The following COXFA4 variants were observed in gnomAD, a reference collection of about 807,000 sequenced individuals.
COXFA4 encodes cytochrome c oxidase subunit FA4.
the COXFA4 span, chr7:10,932,052 G>A: frequency 6.6e-6 from 1 of 152,186 alleles, no homozygotes; most frequent in African/African-American, 2.4e-5. Flanking sequence ...TGTGCCAAAG[G>A]ATCTAGAGTA....
the COXFA4 span, chr7:10,938,736 G>A: frequency 1.1e-5 from 11 of 1,031,880 alleles, no homozygotes; most frequent in East Asian, 4.8e-5. Flanking sequence ...TAATGTTATC[G>A]CCCTACAGAG....
At chr7:10,939,836 C>G in the COXFA4 span, 1 of 752,866 alleles carries the variant, frequency 1.3e-6, no homozygotes, top group South Asian at 1.5e-5. Flanking sequence ...CCCCACAATG[C>G]ATGGCGTAGA....
At chr7:10,935,927 T>C in the COXFA4 span, among the ~76,000 whole-genome samples, 3 of 152,226 alleles carry the variant, frequency 2.0e-5, no homozygotes, top group African/African-American at 4.8e-5. Context: ...TAAGTAGCCC[T>C]TACTTGTCAA....
At chr7:10,938,180 T>C in the COXFA4 span, 35 of 1,576,072 alleles carry the variant, frequency 2.2e-5, no homozygotes, top group Middle Eastern at 1.9e-4. Context: ...ACTGTTATAA[T>C]AATAAAGCAC....
At chr7:10,934,511 C>G in the COXFA4 span, among the ~76,000 whole-genome samples, 1 of 151,850 alleles carries the variant, frequency 6.6e-6, no homozygotes. Context: ...CTTGGGTTTA[C>G]TCATTCTTGT....
At chr7:10,932,874 G>T in the COXFA4 span, 1 of 151,778 alleles carries the variant, frequency 6.6e-6, no homozygotes. Flanking sequence ...AGGGGCTGAG[G>T]CAGGAGGATC....
chr7:10,939,742 C>G, the COXFA4 span: 8 of 512,678 alleles, frequency 1.6e-5, no homozygotes, highest in African/African-American at 1.3e-4. Context: ...GAGCGGCCAC[C>G]AGACTGTTCC....
chr7:10,933,709 A>T, the COXFA4 span: 4 of 1,587,250 alleles, frequency 2.5e-6, no homozygotes, highest in Non-Finnish European at 3.5e-6. Flanking sequence ...ACAGAAAAAA[A>T]GATATTTTAA....
chr7:10,932,120 T>G, the COXFA4 span: 2 of 152,204 alleles, frequency 1.3e-5, no homozygotes, highest in African/African-American at 4.8e-5. Context: ...TTTGGTAATG[T>G]CTCCATTCTT....
chr7:10,937,734 C>T, the COXFA4 span: 2 of 244,594 alleles, frequency 8.2e-6, no homozygotes, highest in East Asian at 9.6e-5. Context: ...TCTCATGCCC[C>T]ACAAAAGACC....
chr7:10,936,220 C>T, the COXFA4 span, among the ~76,000 whole-genome samples: 5 of 152,226 alleles, frequency 3.3e-5, no homozygotes, highest in Non-Finnish European at 7.3e-5. Context: ...CATTTCATAA[C>T]ATGACACTCT....
the COXFA4 span, chr7:10,938,787 T>TA: frequency 2.5e-6 from 4 of 1,595,768 alleles, no homozygotes; most frequent in Non-Finnish European, 3.4e-6. Flanking sequence ...ATCAAAGTTT[T>TA]AAACATTTTT....
chr7:10,939,603 C>CT, the COXFA4 span: 7 of 191,540 alleles, frequency 3.7e-5, no homozygotes, highest in Admixed American at 2.1e-4. Flanking sequence ...ACCAAAAGGC[C>CT]TGGTGGTGCA....
chr7:10,937,731 C>A, the COXFA4 span: 1 of 242,344 alleles, frequency 4.1e-6, no homozygotes, highest in Non-Finnish European at 8.1e-6. Flanking sequence ...AATTCTCATG[C>A]CCCACAAAAG....
At chr7:10,935,811 T>G in the COXFA4 span, among the ~76,000 whole-genome samples, 2 of 152,216 alleles carry the variant, frequency 1.3e-5, no homozygotes, top group Non-Finnish European at 2.9e-5. Flanking sequence ...ATTAACACAT[T>G]CAAATCTTAG....
At chr7:10,933,725 C>T in the COXFA4 span, 1 of 1,511,264 alleles carries the variant, frequency 6.6e-7, no homozygotes, top group Non-Finnish European at 9.2e-7. Context: ...TTTAAGTAAT[C>T]TCAAATACAC....
the COXFA4 span, chr7:10,938,620 CAG>C: frequency 1.8e-6 from 1 of 545,516 alleles, no homozygotes; most frequent in African/African-American, 1.9e-5. Context: ...AAACGAGACT[CAG>C]AGAAATTAGA....
At chr7:10,932,250 G>T in the COXFA4 span, 1 of 152,188 alleles carries the variant, frequency 6.6e-6, no homozygotes, top group Non-Finnish European at 1.5e-5. Flanking sequence ...CTGTCTTTCA[G>T]AAATAGTCAA....
the COXFA4 span, among the ~76,000 whole-genome samples, chr7:10,937,618 T>A: frequency 6.6e-6 from 1 of 152,130 alleles, no homozygotes. Flanking sequence ...GGTCTTTGTA[T>A]GCAAAATTTT....
Sources: allele counts gnomAD v4.1 joint callset (sites outside exome capture counted in the v4.1 genomes callset), GRCh38; gene constraint gnomAD v4.1.1; transcripts MANE v1.5; gene names NCBI Gene and HGNC (gene_info 2026-07-23, HGNC 2026-07-21).